The following CROCC variants were observed in gnomAD, a reference collection of about 807,000 sequenced individuals.
CROCC encodes the protein ciliary rootlet coiled-coil, rootletin.
A neutral mutation model predicts 245.2 loss-of-function variants in CROCC; 180 were observed. The observed-to-expected ratio is 0.73, with a 90% CI of 0.65 to 0.83. The LOEUF is 0.83. Among genes scored for constraint, CROCC ranks in the 40% least tolerant of loss-of-function variants. The pLI is 0.00. For synonymous variants in CROCC, 1,205 were observed against 1,241.6 expected (o/e 0.97, Z 0.62); for missense variants, 2,688 against 2,779.4 (o/e 0.97, Z 0.74).
chr1:16,914,909 G>T (rs375987857), intron 1 of CROCC, among the ~76,000 whole-genome samples: 1 of 152,268 alleles, frequency 6.6e-6, no homozygotes, highest in African/African-American at 2.4e-5. Context: ...GTCTGTTTAC[G>T]CCAGAAAACA....
At chr1:16,933,225 G>C (rs1259754209) in intron 8 of CROCC, among the ~76,000 whole-genome samples, 1 of 152,296 alleles carries the variant, frequency 6.6e-6, no homozygotes, top group Non-Finnish European at 1.5e-5. Context: ...CAGTACTTCA[G>C]GAGGCCGAGG....
intron 27 of CROCC, among the ~76,000 whole-genome samples, chr1:16,962,723 T>C (rs1435098823): frequency 6.7e-6 from 1 of 148,892 alleles, no homozygotes; most frequent in Non-Finnish European, 1.5e-5. Context: ...AATATACATA[T>C]ATATATATGT....
rs140906244 is a variant in CROCC at position 16,946,902 on chromosome 1, C to T, written c.2425C>T (p.Arg809Ter). Residue 809 changes from arginine to a stop codon, truncating the protein, a stop_gained, in exon 17 of 37, where the codon CGA becomes TGA. Coordinates refer to ENST00000375541, the MANE Select transcript of CROCC (RefSeq NM_014675.5). LOFTEE classifies it high-confidence loss of function. The part of the protein sequence containing the change: ...VARQGLEGSL[R>*]VAEQAQEALE... Reference sequence around the variant, plus strand: ...GCGGCAGGGCCTGGAGGGCTCCCTACGAGTGGCGGAGCAGGCCCAGGAGGC... The same window carrying T: ...GCGGCAGGGCCTGGAGGGCTCCCTATGAGTGGCGGAGCAGGCCCAGGAGGC... 351 of 1,563,754 alleles carry T rather than the reference C, an allele frequency of 2.2e-4. No individual in the cohort carries two copies. In the African/African-American group the frequency reaches 3.8e-3, roughly 17 times the overall value.
chr1:16,925,897 G>T (rs72644303), intron 3 of CROCC, among the ~76,000 whole-genome samples: 7,268 of 151,350 alleles, frequency 0.048, 50 homozygotes, highest in Non-Finnish European at 0.072. Context: ...ATTGTGGGTG[G>T]TGATGGGGCC....
rs1203715444 is a variant in CROCC at position 16,940,849 on chromosome 1, C to T, written c.1808+756C>T. On this transcript the variant is annotated intron_variant, in intron 13 of 36. Coordinates refer to ENST00000375541, the MANE Select transcript of CROCC (RefSeq NM_014675.5). ...TCAAGCGATCCTCCCACCTCTACCT[C>T]CCAACTGCCCCTAGTTGGGGGCCTG... 4 of 400,700 alleles carry T rather than the reference C, an allele frequency of 1.0e-5. No homozygotes were observed. The Admixed American group carries it at 1.2e-4, about 12-fold the overall frequency. 24.8% of individuals were successfully genotyped at this position (400,700 alleles called of 1,614,324 possible).
intron 12 of CROCC, among the ~76,000 whole-genome samples, chr1:16,939,459 C>A: frequency 6.6e-6 from 1 of 152,156 alleles, no homozygotes. Flanking sequence ...GGAGACAGGT[C>A]CCTGGTCATA....
chr1:16,942,818 A>G (rs1392729329), intron 13 of CROCC, among the ~76,000 whole-genome samples: 12 of 152,394 alleles, frequency 7.9e-5, no homozygotes, highest in South Asian at 4.1e-4. Flanking sequence ...TTAACAGCAC[A>G]TTGTCGACTG....
rs770909565 is a variant in CROCC at position 16,969,369 on chromosome 1, G to A, written c.5301+29G>A. The A allele has an allele frequency of 1.9e-6, 3 of 1,587,718 alleles. No homozygotes were observed. The African/African-American group carries it at 4.0e-5, about 21-fold the overall frequency. On this transcript the variant is annotated intron_variant, in intron 32 of 36. Coordinates refer to ENST00000375541, the MANE Select transcript of CROCC (RefSeq NM_014675.5). ...TCGGGCCCAGGGTCTGGCTGGGGTG[G>A]GCCCAGTGAGAGAGTCAGCCAGTAA... is the stretch of plus-strand genomic sequence containing the variant.
At chr1:16,969,742 G>C (rs1160075535) in intron 32 of CROCC, 43 bp from the exon 33 acceptor site, 1 of 1,587,148 alleles carries the variant, frequency 6.3e-7, no homozygotes, top group Non-Finnish European at 8.6e-7. Flanking sequence ...GGACTCCTTA[G>C]GGCTCCCAGG....
chr1:16,953,508 C>G (rs1255533775), intron 21 of CROCC, 27 bp downstream of exon 21: 42 of 1,576,058 alleles, frequency 2.7e-5, no homozygotes, highest in Non-Finnish European at 3.3e-5. Flanking sequence ...ATGGCCTCTG[C>G]TGCTCTCTGA....
At chr1:16,970,851 G>T in intron 35 of CROCC, 84 bp downstream of exon 35, 2 of 1,426,152 alleles carry the variant, frequency 1.4e-6, no homozygotes, top group Non-Finnish European at 1.8e-6. Flanking sequence ...GGCCCAGCCA[G>T]CCCAGGGCCC....
intron 23 of CROCC, 89 bp from the exon 24 acceptor site, chr1:16,955,223 C>A: frequency 1.6e-6 from 2 of 1,280,016 alleles, no homozygotes; most frequent in African/African-American, 1.5e-5. Flanking sequence ...ATGGGGCAGG[C>A]TCCCTGGGTC....
intron 25 of CROCC, among the ~76,000 whole-genome samples, chr1:16,958,089 G>A (rs972200996): frequency 6.6e-6 from 1 of 152,178 alleles, no homozygotes; most frequent in African/African-American, 2.4e-5. Context: ...TGTGACTTTG[G>A]GGAGGTTACT....
intron 1 of CROCC, among the ~76,000 whole-genome samples, chr1:16,914,539 C>G (rs1396320454): frequency 2.0e-5 from 3 of 152,288 alleles, no homozygotes; most frequent in Non-Finnish European, 2.9e-5. Context: ...GTGTGGGATC[C>G]GGTTTCGTCT....
At chr1:16,940,141 C>T (rs1397121608) in intron 13 of CROCC, 48 bp downstream of exon 13, 1 of 1,545,904 alleles carries the variant, frequency 6.5e-7, no homozygotes, top group South Asian at 1.2e-5. Context: ...AAGTCACCGT[C>T]TGGGCATAAC....
intron 13 of CROCC, among the ~76,000 whole-genome samples, chr1:16,943,897 G>A (rs1178525267): frequency 6.6e-6 from 1 of 152,298 alleles, no homozygotes; most frequent in African/African-American, 2.4e-5. Context: ...GGGCGGACTG[G>A]AGAGAAGGAA....
At chr1:16,935,514 G>A (rs1371806756) in intron 8 of CROCC, among the ~76,000 whole-genome samples, 6 of 152,236 alleles carry the variant, frequency 3.9e-5, no homozygotes, top group African/African-American at 1.4e-4. Flanking sequence ...TCCGCCTCCT[G>A]GGTTCACGCC....
Position 16,955,552 on chromosome 1 carries a change from TG to T in CROCC, c.3704+6del. The T allele has an allele frequency of 6.6e-7, 1 of 1,525,572 alleles. No individual in the cohort carries two copies. The highest frequency in any genetic ancestry group is 8.8e-7 in the Non-Finnish European group (1 of 1,141,168). The allele number at this position is 1,525,572 out of a possible 1,614,324, so 94.5% of individuals were successfully genotyped here. ...GAAGGCAGAGAGCGAGCGCATCAGG[TG>T]GGGTGTCGCAGGAGGACCAGTCCTG... On this transcript the variant is annotated splice_donor_region_variant and intron_variant, in intron 24 of 36. Coordinates refer to ENST00000375541, the MANE Select transcript of CROCC (RefSeq NM_014675.5).
chr1:16,958,810 G>T, intron 26 of CROCC, 60 bp downstream of exon 26: 3 of 1,516,514 alleles, frequency 2.0e-6, no homozygotes, highest in Non-Finnish European at 2.7e-6. Flanking sequence ...AAGCAGGTGG[G>T]CACCCCAATG....
Sources: gnomAD v4.1 joint callset for allele counts (sites outside exome capture counted in the v4.1 genomes callset) on GRCh38, gnomAD v4.1.1 for gene constraint, MANE v1.5 for transcripts, NCBI Gene and HGNC (gene_info 2026-07-23, HGNC 2026-07-21) for gene names.